Variants in SGCD observed in about 807,000 individuals in gnomAD.
SGCD encodes delta-sarcoglycan.
SGCD carries 18 observed loss-of-function variants against 36.6 expected under a neutral mutation model. The observed-to-expected ratio is 0.49, with a 90% CI of 0.34 to 0.73. SGCD has a LOEUF of 0.73. Among genes scored for constraint, SGCD ranks in the 30% least tolerant of loss-of-function variants. SGCD has a pLI of 0.01. For synonymous variants in SGCD, 133 were observed against 130.6 expected (o/e 1.02, Z -0.12); for missense variants, 387 against 346.7 (o/e 1.12, Z -0.92).
intron 7 of SGCD, among the ~76,000 whole-genome samples, chr5:156,709,071 A>G (rs157346): frequency 0.92 from 139,719 of 152,202 alleles, 64,300 homozygotes; most frequent in East Asian, 0.99. Flanking sequence ...GGAAATTTAT[A>G]CCCCTCTTTT....
rs567459725 is a variant in SGCD at position 156,377,081 on chromosome 5, A to T, written c.192+32404A>T. 1.4e-3 allele frequency among the ~76,000 whole-genome samples: 206 copies of T among 152,332 alleles called. 1 individual carries two copies. The highest frequency in any genetic ancestry group is 4.9e-3 in the African/African-American group (203 of 41,588). On this transcript the variant is annotated intron_variant, in intron 3 of 8. Coordinates refer to ENST00000337851, the MANE Select transcript of SGCD (RefSeq NM_000337.6). Reference sequence around the variant, plus strand: ...AAATAAAACATTACAGAGAAAAAAAAGTCATGTAAAATCCCAAACCTCTAT... The same window carrying T: ...AAATAAAACATTACAGAGAAAAAAATGTCATGTAAAATCCCAAACCTCTAT...
chr5:156,394,464 G>C (rs1771750101), intron 3 of SGCD, among the ~76,000 whole-genome samples: 1 of 152,136 alleles, frequency 6.6e-6, no homozygotes, highest in South Asian at 2.1e-4. Context: ...GAGGTAACCT[G>C]TACTAAACAG....
intron 7 of SGCD, among the ~76,000 whole-genome samples, chr5:156,699,006 A>T (rs1236733388): frequency 6.6e-6 from 1 of 152,146 alleles, no homozygotes; most frequent in Non-Finnish European, 1.5e-5. Context: ...GAGGTTAAGA[A>T]CAGAATAAGC....
intron 1 of SGCD, among the ~76,000 whole-genome samples, chr5:155,890,427 C>A (rs1756096892): frequency 6.6e-6 from 1 of 151,966 alleles, no homozygotes; most frequent in South Asian, 2.1e-4. Context: ...GAGTTCGAGA[C>A]CAGCCTGGGC....
At chr5:156,594,134 C>T (rs1282032942) in intron 5 of SGCD, among the ~76,000 whole-genome samples, 3 of 152,272 alleles carry the variant, frequency 2.0e-5, no homozygotes, top group East Asian at 3.9e-4. Context: ...GAAATTCTAG[C>T]TCATCAACCT....
rs577574640 is a variant in SGCD, at chr5:156,624,307, C to T, written c.503-23157C>T. ...CATCAAAAACCACTCTTGGGCCAGG[C>T]GCGGTGGCTCATGCCTGTAATCCCA... On this transcript the variant is annotated intron_variant, in intron 6 of 8. Coordinates refer to ENST00000337851, the MANE Select transcript of SGCD (RefSeq NM_000337.6). 4.6e-5 allele frequency among the ~76,000 whole-genome samples: 7 copies of T among 152,254 alleles called. No homozygotes were observed. The East Asian group carries it at 1.4e-3, about 29-fold the overall frequency.
chr5:156,116,389 C>A (rs1761906772), intron 1 of SGCD, among the ~76,000 whole-genome samples: 1 of 152,008 alleles, frequency 6.6e-6, no homozygotes, highest in African/African-American at 2.4e-5. Flanking sequence ...ACTTATTTTT[C>A]TTTAAATTTC....
At chr5:156,075,231 A>T (rs1760738583) in intron 1 of SGCD, among the ~76,000 whole-genome samples, 1 of 152,230 alleles carries the variant, frequency 6.6e-6, no homozygotes, top group Admixed American at 6.5e-5. Flanking sequence ...ACTCTTTAAA[A>T]GTCTCAACAC....
At chr5:156,533,047 G>A (rs2113109240) in intron 4 of SGCD, among the ~76,000 whole-genome samples, 1 of 152,186 alleles carries the variant, frequency 6.6e-6, no homozygotes, top group South Asian at 2.1e-4. Flanking sequence ...GAAGTAAACA[G>A]TAGTTACAGG....
At chr5:156,283,593 C>A (rs1452379707) in intron 3 of SGCD, among the ~76,000 whole-genome samples, 1 of 152,112 alleles carries the variant, frequency 6.6e-6, no homozygotes, top group Non-Finnish European at 1.5e-5. Flanking sequence ...GAGCATTGCC[C>A]AGTGCATTCT....
At chr5:156,274,729 A>G (rs768171195) in intron 3 of SGCD, among the ~76,000 whole-genome samples, 1 of 152,162 alleles carries the variant, frequency 6.6e-6, no homozygotes, top group Non-Finnish European at 1.5e-5. Flanking sequence ...ACAGAGGGTA[A>G]AAAGGCTGGA....
At chr5:156,484,497 C>T (rs184577194) in intron 3 of SGCD, among the ~76,000 whole-genome samples, 1 of 152,312 alleles carries the variant, frequency 6.6e-6, no homozygotes, top group Admixed American at 6.5e-5. Context: ...CTGTAAAAGA[C>T]ATTTATAAAT....
At chr5:155,794,727 G>T in the SGCD span, among the ~76,000 whole-genome samples, 1 of 151,474 alleles carries the variant, frequency 6.6e-6, no homozygotes, top group African/African-American at 2.4e-5. Flanking sequence ...TGGAGTACTG[G>T]GAGAAAAAAG....
chr5:156,224,149 C>A (rs570798260), intron 3 of SGCD, among the ~76,000 whole-genome samples: 1 of 151,920 alleles, frequency 6.6e-6, no homozygotes, highest in Admixed American at 6.6e-5. Flanking sequence ...AGTTTTTACC[C>A]CTAATCTATA....
In SGCD at chr5:156,121,769, C is replaced by T. The variant is rs747372060; in HGVS notation, c.-207-2087C>T. ...ATCTCTTCCCTTTTTTGTTGTCTAACCCTGGATTCCTTTACTTCATACTTT... is the reference window on the plus strand; with the variant it reads ...ATCTCTTCCCTTTTTTGTTGTCTAATCCTGGATTCCTTTACTTCATACTTT... On this transcript the variant is annotated intron_variant, in intron 2 of 9. Transcript: ENST00000517913. 2.2e-4 allele frequency among the ~76,000 whole-genome samples: 34 copies of T among 152,084 alleles called. 1 individual carries two copies. Among genetic ancestry groups the T allele is most frequent in the African/African-American group, 4.6e-4 (19 of 41,418 alleles).
chr5:156,438,931 G>A (rs550250557), intron 3 of SGCD, among the ~76,000 whole-genome samples: 1 of 152,276 alleles, frequency 6.6e-6, no homozygotes, highest in Non-Finnish European at 1.5e-5. Flanking sequence ...ACCTGAGAGA[G>A]TTACTGTTAT....
intron 6 of SGCD, among the ~76,000 whole-genome samples, chr5:156,620,711 C>T (rs1282355515): frequency 6.6e-6 from 1 of 152,134 alleles, no homozygotes; most frequent in Non-Finnish European, 1.5e-5. Flanking sequence ...GAATGAGCTG[C>T]CATCGTTTTT....
chr5:156,382,629 T>G (rs1465719821), intron 3 of SGCD, among the ~76,000 whole-genome samples: 1 of 152,202 alleles, frequency 6.6e-6, no homozygotes, highest in Non-Finnish European at 1.5e-5. Flanking sequence ...GTGTGTGACA[T>G]GTTATAATAA....
chr5:156,586,064 T>G (rs1581211334), intron 4 of SGCD, among the ~76,000 whole-genome samples: 2 of 76,014 alleles, frequency 2.6e-5, no homozygotes, highest in East Asian at 5.9e-4. Context: ...TACTTTGGTG[T>G]TTTTTTTTTT....
Sources: gnomAD v4.1 joint callset for allele counts (sites outside exome capture counted in the v4.1 genomes callset) on GRCh38, gnomAD v4.1.1 for gene constraint, MANE v1.5 for transcripts, NCBI Gene and HGNC (gene_info 2026-07-23, HGNC 2026-07-21) for gene names.